The following PPFIA2 variants were observed in gnomAD, a reference collection of about 807,000 sequenced individuals.
PPFIA2 encodes liprin-alpha-2.
PPFIA2 carries 46 observed loss-of-function variants against 175.5 expected under a neutral mutation model. The ratio of observed to expected loss-of-function variants is 0.26; its 90% confidence interval spans 0.21 to 0.34. PPFIA2 has a LOEUF of 0.34. Ranked by LOEUF, PPFIA2 falls within the 10% of genes least tolerant of loss-of-function variation. PPFIA2 has a pLI of 1.00. For missense variants in PPFIA2, 1,179 were observed against 1,506.1 expected (o/e 0.78, Z 3.60); for synonymous variants, 568 against 511.4 (o/e 1.11, Z -1.49).
chr12:81,666,090 T>A (rs1340868675), intron 4 of PPFIA2, among the ~76,000 whole-genome samples: 3 of 152,034 alleles, frequency 2.0e-5, no homozygotes, highest in South Asian at 4.1e-4. Context: ...AGAATGGTGA[T>A]CATTAAAAAG....
chr12:81,495,925 T>C (rs189954973), intron 4 of PPFIA2, among the ~76,000 whole-genome samples: 2 of 152,322 alleles, frequency 1.3e-5, no homozygotes, highest in Admixed American at 6.5e-5. Flanking sequence ...AAAACACATA[T>C]TATAAAGTTT....
chr12:81,369,087 G>T lies in PPFIA2; in HGVS notation c.1350+24C>A, dbSNP rs2034387640. ...CGAATTCATAAACCAATGATTGGGGGGTAATAGTTCTTAATATACATACTC... is the reference window on the plus strand; with the variant it reads ...CGAATTCATAAACCAATGATTGGGGTGTAATAGTTCTTAATATACATACTC... On this transcript the variant is annotated intron_variant, in intron 12 of 32. Coordinates refer to ENST00000549396, the MANE Select transcript of PPFIA2 (RefSeq NM_003625.5). 3.3e-6 allele frequency: 5 copies of T among 1,531,344 alleles called. No homozygotes were observed. In the South Asian group the frequency reaches 3.4e-5, roughly 11 times the overall value. The allele number at this position is 1,531,344 out of a possible 1,614,324, so 94.9% of individuals were successfully genotyped here.
intron 3 of PPFIA2, among the ~76,000 whole-genome samples, chr12:81,686,541 C>T (rs1195327154): frequency 6.6e-6 from 1 of 151,980 alleles, no homozygotes; most frequent in Non-Finnish European, 1.5e-5. Context: ...TTTGCTAATT[C>T]CTGACTCAGT....
At chr12:81,451,618 C>T (rs2052596047) in intron 5 of PPFIA2, among the ~76,000 whole-genome samples, 1 of 152,122 alleles carries the variant, frequency 6.6e-6, no homozygotes, top group Non-Finnish European at 1.5e-5. Flanking sequence ...GAACTCTCAT[C>T]TACATGATAA....
At chr12:81,433,775 G>T (rs2144644461) in intron 7 of PPFIA2, among the ~76,000 whole-genome samples, 1 of 152,242 alleles carries the variant, frequency 6.6e-6, no homozygotes, top group African/African-American at 2.4e-5. Flanking sequence ...CTGTTACTGA[G>T]TGAAATAAAT....
intron 4 of PPFIA2, among the ~76,000 whole-genome samples, chr12:81,501,043 C>T (rs2060542194): frequency 6.6e-6 from 1 of 152,232 alleles, no homozygotes; most frequent in Non-Finnish European, 1.5e-5. Flanking sequence ...ATCAGCCCTA[C>T]TGTTAGCACT....
chr12:81,580,322 G>A (rs2074216787), intron 4 of PPFIA2, among the ~76,000 whole-genome samples: 1 of 151,598 alleles, frequency 6.6e-6, no homozygotes, highest in African/African-American at 2.4e-5. Flanking sequence ...TAAATCCCTT[G>A]TCCAGAAGGT....
chr12:81,641,201 G>T (rs142769039), intron 4 of PPFIA2, among the ~76,000 whole-genome samples: 6 of 152,014 alleles, frequency 3.9e-5, no homozygotes, highest in African/African-American at 1.4e-4. Context: ...CAACTTCACC[G>T]CAAGTATTTA....
intron 7 of PPFIA2, among the ~76,000 whole-genome samples, chr12:81,429,269 G>T (rs1224526960): frequency 6.6e-6 from 1 of 151,952 alleles, no homozygotes; most frequent in Non-Finnish European, 1.5e-5. Flanking sequence ...ATACAAAAGT[G>T]AGTAATTTGC....
chr12:81,488,179 T>C (rs1011985140), intron 4 of PPFIA2, among the ~76,000 whole-genome samples: 6 of 151,826 alleles, frequency 4.0e-5, no homozygotes, highest in Admixed American at 2.0e-4. Flanking sequence ...TATATTTGCC[T>C]TTGGAGAATA....
intron 4 of PPFIA2, among the ~76,000 whole-genome samples, chr12:81,513,692 G>T (rs2062064964): frequency 1.3e-5 from 2 of 152,028 alleles, no homozygotes; most frequent in Middle Eastern, 3.4e-3. Flanking sequence ...TTTTAAAAAT[G>T]ATTTTATGTA....
At chr12:81,649,553 A>G (rs1017312817) in intron 4 of PPFIA2, among the ~76,000 whole-genome samples, 33 of 152,218 alleles carry the variant, frequency 2.2e-4, no homozygotes, top group African/African-American at 8.0e-4. Flanking sequence ...TAGAAATTCT[A>G]CTTGTAGGTA....
At chr12:81,660,101 A>C (rs1398016613) in intron 4 of PPFIA2, among the ~76,000 whole-genome samples, 1 of 152,164 alleles carries the variant, frequency 6.6e-6, no homozygotes, top group Non-Finnish European at 1.5e-5. Context: ...TGGGGAAAAA[A>C]GCAGAGCAGA....
chr12:81,709,595 T>C (rs1461898046), intron 3 of PPFIA2, among the ~76,000 whole-genome samples: 2 of 152,094 alleles, frequency 1.3e-5, no homozygotes, highest in Non-Finnish European at 2.9e-5. Flanking sequence ...GTTAATTTTT[T>C]TGCTATTTGC....
chr12:81,684,215 T>C (rs546171422), intron 3 of PPFIA2, among the ~76,000 whole-genome samples: 2 of 152,180 alleles, frequency 1.3e-5, no homozygotes, highest in South Asian at 2.1e-4. Context: ...TCTAAATCAG[T>C]CAAGGTTCCA....
intron 25 of PPFIA2, among the ~76,000 whole-genome samples, chr12:81,283,566 T>G (rs904358621): frequency 6.6e-6 from 1 of 152,052 alleles, no homozygotes; most frequent in Non-Finnish European, 1.5e-5. Flanking sequence ...ATTGGTGTTT[T>G]TATCCTTAAC....
intron 5 of PPFIA2, among the ~76,000 whole-genome samples, chr12:81,446,896 C>T (rs975438334): frequency 1.3e-5 from 2 of 152,098 alleles, no homozygotes. Flanking sequence ...TTTGCTGTCA[C>T]TAATTATGAC....
rs1192399365 is a variant in PPFIA2 at position 81,284,267 on chromosome 12, C to T, written c.2962G>A (p.Glu988Lys). Residue 988 changes from glutamate to lysine, a missense_variant, in exon 25 of 33, where the codon GAA becomes AAA. By Grantham distance (56) the Glu-to-Lys change is moderately conservative. Transcript: ENST00000549396. ...GNVWVTHEEM[E>K]NLAAPAKTKE... ...GTTTTTGCTGGAGCTGCAAGATTTT[C>T]CATTTCTTCATGAGTCACCCAAACG... 21 of 1,598,478 alleles carry T rather than the reference C, an allele frequency of 1.3e-5. No individual in the cohort carries two copies. Among genetic ancestry groups the T allele is most frequent in the Non-Finnish European group, 1.7e-5 (20 of 1,168,844 alleles).
intron 4 of PPFIA2, among the ~76,000 whole-genome samples, chr12:81,624,045 T>C (rs1416723706): frequency 6.6e-6 from 1 of 151,926 alleles, no homozygotes; most frequent in Non-Finnish European, 1.5e-5. Flanking sequence ...AAAGATCCCA[T>C]GTGAAATGGT....
Sources: gnomAD v4.1 joint callset for allele counts (sites outside exome capture counted in the v4.1 genomes callset) on GRCh38, gnomAD v4.1.1 for gene constraint, MANE v1.5 for transcripts, NCBI Gene and HGNC (gene_info 2026-07-23, HGNC 2026-07-21) for gene names.